The following F5 variants were observed in gnomAD, a reference collection of about 807,000 sequenced individuals.
The protein encoded by F5 is coagulation factor V.
A neutral mutation model predicts 216.4 loss-of-function variants in F5; 138 were observed. The ratio of observed to expected loss-of-function variants is 0.64; its 90% CI spans 0.56 to 0.73. The LOEUF (loss-of-function observed/expected upper bound fraction) is 0.73. Among genes scored for constraint, F5 ranks in the 30% least tolerant of loss-of-function variants. F5 has a pLI of 0.00. For synonymous variants in F5, 916 were observed against 930.7 expected (o/e 0.98, Z 0.29); for missense variants, 2,403 against 2,674.0 (o/e 0.90, Z 2.24).
intron 3 of F5, among the ~76,000 whole-genome samples, chr1:169,570,289 G>A (rs554324322): frequency 7.9e-5 from 12 of 152,198 alleles, no homozygotes; most frequent in African/African-American, 2.9e-4. Flanking sequence ...AGCCCAGGTA[G>A]GGTCCAAAGT....
intron 14 of F5, among the ~76,000 whole-genome samples, chr1:169,533,117 GCAA>G (rs746170102): frequency 6.6e-6 from 1 of 151,658 alleles, no homozygotes; most frequent in Non-Finnish European, 1.5e-5. Context: ...AACAACAACA[GCAA>G]CAACAACAAC....
intron 2 of F5, 53 bp downstream of exon 2, chr1:169,582,378 A>G: frequency 9.7e-7 from 1 of 1,027,104 alleles, no homozygotes; most frequent in Non-Finnish European, 1.4e-6. Context: ...GTGAATGCCA[A>G]ATTACCCATA....
chr1:169,577,283 G>A (rs970470792), intron 2 of F5, among the ~76,000 whole-genome samples: 4 of 152,054 alleles, frequency 2.6e-5, no homozygotes, highest in Admixed American at 1.3e-4. Context: ...GGTAGTGATT[G>A]TTGCAGCTAT....
intron 17 of F5, 81 bp downstream of exon 17, chr1:169,527,834 A>G: frequency 6.5e-7 from 1 of 1,548,068 alleles, no homozygotes; most frequent in South Asian, 1.2e-5. Context: ...TATATGCACA[A>G]GGAAGAAATG....
At chr1:169,564,721 C>A (rs1216956949) in intron 3 of F5, among the ~76,000 whole-genome samples, 1 of 152,080 alleles carries the variant, frequency 6.6e-6, no homozygotes, top group East Asian at 1.9e-4. Flanking sequence ...CCCATCCCAA[C>A]TGTGGAAAAT....
intron 3 of F5, among the ~76,000 whole-genome samples, 178 bp from the exon 4 acceptor site, chr1:169,560,944 A>G (rs1224752686): frequency 6.6e-6 from 1 of 152,168 alleles, no homozygotes; most frequent in Admixed American, 6.5e-5. Context: ...TGTACTTACA[A>G]AGGCTTTGAT....
intron 22 of F5, 45 bp from the exon 23 acceptor site, chr1:169,518,608 C>G: frequency 1.2e-6 from 2 of 1,605,248 alleles, no homozygotes; most frequent in Admixed American, 1.7e-5. Flanking sequence ...CCAATATTCC[C>G]TGCATGGCTT....
At chr1:169,549,111 C>A (rs1660094593) in intron 10 of F5, among the ~76,000 whole-genome samples, 1 of 152,118 alleles carries the variant, frequency 6.6e-6, no homozygotes, top group Non-Finnish European at 1.5e-5. Context: ...TTCATTTCTG[C>A]TTTTTCTAGG....
chr1:169,556,880 G>C lies in F5; in HGVS notation c.731-13C>G. The stretch of plus-strand genomic sequence containing the variant: ...CAAACTGTTATATCTGAGAAAGAGG[G>C]AGAGACACAGGCCAAAATAAGCATT... On this transcript the variant is annotated splice_polypyrimidine_tract_variant and intron_variant, in intron 5 of 24. Transcript: ENST00000367797. The C allele has an allele frequency of 1.2e-6, 2 of 1,611,136 alleles. No homozygotes were observed. Among genetic ancestry groups the C allele is most frequent in the Non-Finnish European group, 1.7e-6 (2 of 1,178,676 alleles).
chr1:169,512,754 A>G lies in F5; in HGVS notation c.*1559T>C, dbSNP rs904630685. On this transcript the variant is annotated 3_prime_UTR_variant, in exon 25 of 25. Transcript: ENST00000367797. ...TGTTTTGTGGATGTTTGAAACTCTC[A>G]TATACATTCATAGGGCTTACCCCAC... Among the ~76,000 whole-genome samples, 11 of 152,108 alleles carry G rather than the reference A, an allele frequency of 7.2e-5. No individual in the cohort carries two copies. Among genetic ancestry groups the G allele is most frequent in the African/African-American group, 2.7e-4 (11 of 41,440 alleles).
At chr1:169,538,691 G>A (rs1019143185) in intron 13 of F5, among the ~76,000 whole-genome samples, 1 of 152,132 alleles carries the variant, frequency 6.6e-6, no homozygotes, top group African/African-American at 2.4e-5. Context: ...AGTCCCCAAA[G>A]GTTACATGTT....
chr1:169,554,659 C>T (rs1051500558), intron 7 of F5, among the ~76,000 whole-genome samples: 2 of 152,216 alleles, frequency 1.3e-5, no homozygotes, highest in African/African-American at 4.8e-5. Context: ...CCAATTTAAT[C>T]TTCCACGAAC....
Position 169,575,510 on chromosome 1 carries a change from G to A in F5, c.251-3167C>T, listed in dbSNP as rs113095765. Among the ~76,000 whole-genome samples, 331 of 152,280 alleles carry A rather than the reference G, an allele frequency of 2.2e-3. 2 individuals are homozygous for A. Among genetic ancestry groups the A allele is most frequent in the African/African-American group, 7.2e-3 (301 of 41,550 alleles). On this transcript the variant is annotated intron_variant, in intron 2 of 24. Coordinates refer to ENST00000367797, the MANE Select transcript of F5 (RefSeq NM_000130.5). ...GGCTGTATTTGTGGAGGATGATCTC[G>A]GAGGAGACTGAGCAGAGAACAATTG...
At chr1:169,515,784 TC>T (rs1659144251) in intron 23 of F5, 158 bp from the exon 24 acceptor site, 2 of 674,236 alleles carry the variant, frequency 3.0e-6, no homozygotes, top group Admixed American at 5.1e-5. Flanking sequence ...TCTTTCTTCT[TC>T]ATTGCCACAA....
Position 169,542,689 on chromosome 1 carries a change from G to T in F5, c.2401C>A (p.Gln801Lys), listed in dbSNP as rs118203908. ...GGGGAACCAGCTGTGGTGGCTTGTTGGTGAGAAGGGGCTTTCTGAGGTTCT... is the reference window on the plus strand; with the variant it reads ...GGGGAACCAGCTGTGGTGGCTTGTTTGTGAGAAGGGGCTTTCTGAGGTTCT... ...LAEPQKAPSH[Q>K]QATTAGSPLR... Residue 801 changes from glutamine to lysine, a missense_variant, in exon 13 of 25, where the codon CAA becomes AAA. Gln to Lys is a moderately conservative substitution (Grantham distance 53). Coordinates refer to ENST00000367797, the MANE Select transcript of F5 (RefSeq NM_000130.5). 4 of 1,613,966 alleles carry T rather than the reference G, an allele frequency of 2.5e-6. No homozygotes were observed. The highest frequency in any genetic ancestry group is 3.4e-6 in the Non-Finnish European group (4 of 1,179,998).
At position 169,556,334 on chromosome 1, in the gene F5, C is replaced by G. The variant is rs967775563; in HGVS notation, c.952+312G>C. ...TAGGTCTTTTTTGCATATGAAGTAA[C>G]CCGAAGAAAGAATATCTCTATGTAT... On this transcript the variant is annotated intron_variant, in intron 6 of 24. Coordinates refer to ENST00000367797, the MANE Select transcript of F5 (RefSeq NM_000130.5). Among the ~76,000 whole-genome samples the G allele has an allele frequency of 2.1e-5, 3 of 141,520 alleles. No individual in the cohort carries two copies. The South Asian group carries it at 6.8e-4, about 32-fold the overall frequency. 92.8% of individuals were successfully genotyped at this position (141,520 alleles called of 152,430 possible).
rs1461314346 is a variant in F5, at chr1:169,540,637, G to T, written c.4453C>A (p.Pro1485Thr). ...LQEFNESFPYPDLGQMPSPSS... is the reference protein window; with the variant it reads ...LQEFNESFPYTDLGQMPSPSS... ...GGAGATGGCATCTGACCAAGGTCTG[G>T]ATAAGGAAAAGACTCATTAAATTCT... is the stretch of plus-strand genomic sequence containing the variant. The change falls in exon 13 of 25, where the codon CCA becomes ACA. Residue 1485 changes from proline to threonine, a missense_variant. Coordinates refer to ENST00000367797, the MANE Select transcript of F5 (RefSeq NM_000130.5). The T allele has an allele frequency of 6.2e-7, 1 of 1,614,070 alleles. No homozygotes were observed. Among genetic ancestry groups the T allele is most frequent in the Non-Finnish European group, 8.5e-7 (1 of 1,179,982 alleles).
chr1:169,523,497 T>A (rs1659358977), intron 20 of F5, 145 bp from the exon 21 acceptor site: 8 of 974,974 alleles, frequency 8.2e-6, no homozygotes, highest in Non-Finnish European at 7.8e-6. Context: ...TACATGCAAT[T>A]CATATTTGGG....
intron 22 of F5, among the ~76,000 whole-genome samples, chr1:169,519,728 C>A (rs1412444997): frequency 1.3e-5 from 2 of 152,188 alleles, no homozygotes; most frequent in African/African-American, 4.8e-5. Context: ...ATCCCTCTTC[C>A]CACCTCCAGC....
Sources: allele counts gnomAD v4.1 joint callset (sites outside exome capture counted in the v4.1 genomes callset), GRCh38; gene constraint gnomAD v4.1.1; transcripts MANE v1.5; gene names NCBI Gene and HGNC (gene_info 2026-07-23, HGNC 2026-07-21).